Variants in ADAMTS5 observed in about 807,000 individuals in gnomAD.
ADAMTS5 encodes the protein A disintegrin and metalloproteinase with thrombospondin motifs 5.
In ADAMTS5, 54 loss-of-function variants were observed where a neutral mutation model predicts 81.4. The ratio of observed to expected loss-of-function variants is 0.66; its 90% CI spans 0.53 to 0.83. ADAMTS5 has a LOEUF of 0.83. ADAMTS5 is among the 40% of genes least tolerant of loss of function. ADAMTS5 has a pLI of 0.00. For synonymous variants in ADAMTS5, 532 were observed against 508.8 expected, an observed-to-expected ratio of 1.05 and a Z score of -0.61; for missense variants, 1,194 against 1,229.9, an observed-to-expected ratio of 0.97 and a Z score of 0.44.
At position 26,924,260 on chromosome 21, in the gene ADAMTS5, G is replaced by A; in HGVS notation, c.2586C>T (p.Val862=). 2 of 1,614,162 alleles carry A rather than the reference G, an allele frequency of 1.2e-6. No individual in the cohort carries two copies. The highest frequency in any genetic ancestry group is 1.7e-6 in the Non-Finnish European group (2 of 1,180,024). The part of the protein sequence containing the change: ...PKKSTPKVNS[V]TSHGSNKVGS... ...CCACTTTATTGCTGCCATGACTAGT[G>A]ACAGAGTTTACTTTTGGAGTGGACT... Residue 862 remains valine (V), a synonymous_variant, in exon 8 of 8, where the codon GTC becomes GTT. Transcript: ENST00000284987.
At chr21:26,932,709 A>T (rs1025527721) in intron 5 of ADAMTS5, 152 bp downstream of exon 5, 1 of 895,696 alleles carries the variant, frequency 1.1e-6, no homozygotes, top group African/African-American at 1.8e-5. Flanking sequence ...TCAAAAAAAA[A>T]CAAACACATA....
intron 3 of ADAMTS5, among the ~76,000 whole-genome samples, chr21:26,938,166 C>A (rs902842242): frequency 6.6e-6 from 1 of 151,878 alleles, no homozygotes; most frequent in Non-Finnish European, 1.5e-5. Flanking sequence ...ATCGCTTGAA[C>A]CTGGGAGGTG....
chr21:26,947,797 T>A (rs925574029), intron 2 of ADAMTS5, among the ~76,000 whole-genome samples: 1 of 152,214 alleles, frequency 6.6e-6, no homozygotes, highest in East Asian at 1.9e-4. Context: ...TGTTAGATGA[T>A]GTTGACCTAT....
rs1259263317 is a variant in ADAMTS5 at position 26,932,850 on chromosome 21, G to A, written c.1873+11C>T. ...GCATATGATGGTTGCTGACACTTGG[G>A]AGCAGCGTACCATTGGGTGGGCAGG... On this transcript the variant is annotated intron_variant, in intron 5 of 7. Coordinates refer to ENST00000284987, the MANE Select transcript of ADAMTS5 (RefSeq NM_007038.5). 3 of 1,595,702 alleles carry A rather than the reference G, an allele frequency of 1.9e-6. No individual in the cohort carries two copies. Among genetic ancestry groups the A allele is most frequent in the Non-Finnish European group, 2.6e-6 (3 of 1,172,968 alleles).
chr21:26,966,296 C>T lies in ADAMTS5; in HGVS notation c.96G>A (p.Gly32=), dbSNP rs1346272161. Residue 32 remains glycine (G), a synonymous_variant, in exon 1 of 8, where the codon GGG becomes GGA. Transcript: ENST00000284987. ...CGGCTGCTGCAGCAGTCGGAGGCTG[C>T]CCGGCTTTATCCTGGGCAGGTGTCG... ...PAATPAQDKA[G]QPPTAAAAAQ... 1.3e-6 allele frequency: 2 copies of T among 1,541,854 alleles called. No homozygotes were observed. The highest frequency in any genetic ancestry group is 2.0e-5 in the Admixed American group (1 of 51,134).
chr21:26,966,094 A>G lies in ADAMTS5; in HGVS notation c.298T>C (p.Leu100=). ...LVYAGGRRFL[L]DLERDGSVGI... ...ACCGAACCATCTCGCTCCAGGTCCA[A>G]GAGGAACCTCCGGCCGCCCGCGTAG... The change falls in exon 1 of 8, where the codon TTG becomes CTG. Residue 100 remains leucine (L), a synonymous_variant. Coordinates refer to ENST00000284987, the MANE Select transcript of ADAMTS5 (RefSeq NM_007038.5). The G allele has an allele frequency of 6.2e-7, 1 of 1,612,906 alleles. No individual in the cohort carries two copies. The highest frequency in any genetic ancestry group is 2.2e-5 in the East Asian group (1 of 44,832).
Position 26,922,087 on chromosome 21 carries a change from G to T in ADAMTS5, c.*1966C>A, listed in dbSNP as rs1055995551. On this transcript the variant is annotated 3_prime_UTR_variant, in exon 8 of 8. Coordinates refer to ENST00000284987, the MANE Select transcript of ADAMTS5 (RefSeq NM_007038.5). ...TTTTTTTTCTCACCTATTTAACTAG[G>T]TTTGCTTTCTGCCCTTGGCATTGGG... The T allele has an allele frequency of 1.3e-5, 2 of 151,874 alleles. No individual in the cohort carries two copies. Among genetic ancestry groups the T allele is most frequent in the Non-Finnish European group, 2.9e-5 (2 of 67,878 alleles). 9.4% of individuals were successfully genotyped at this position (151,874 alleles called of 1,614,324 possible). A position where few individuals can be genotyped will look rare whatever the true frequency, so the allele number is the denominator to read the frequency against.
chr21:26,959,354 G>T (rs1026205088), intron 1 of ADAMTS5, among the ~76,000 whole-genome samples: 2 of 152,120 alleles, frequency 1.3e-5, no homozygotes, highest in African/African-American at 4.8e-5. Context: ...CACATGTCCT[G>T]ATATTAACTA....
chr21:26,942,020 T>G (rs966460198), intron 3 of ADAMTS5, among the ~76,000 whole-genome samples: 1 of 148,332 alleles, frequency 6.7e-6, no homozygotes, highest in Non-Finnish European at 1.5e-5. Flanking sequence ...GACATATTTT[T>G]TCAACTAAAA....
At chr21:26,928,311 T>G (rs1986840367) in intron 7 of ADAMTS5, among the ~76,000 whole-genome samples, 4 of 152,152 alleles carry the variant, frequency 2.6e-5, no homozygotes, top group Admixed American at 2.0e-4. Context: ...GGTAATTAAT[T>G]TGAACTACTC....
chr21:26,924,459 T>C lies in ADAMTS5; in HGVS notation c.2387A>G (p.Glu796Gly). 1 of 1,614,204 alleles carries C rather than the reference T, an allele frequency of 6.2e-7. No individual in the cohort carries two copies. Residue 796 changes from glutamate (E) to glycine (G), a missense_variant, in exon 8 of 8, where the codon GAG (glutamate) becomes GGG (glycine). By Grantham distance (98) the Glu-to-Gly change is moderately conservative (BLOSUM62 -2). Coordinates refer to ENST00000284987, the MANE Select transcript of ADAMTS5 (RefSeq NM_007038.5). ...TGTTCCATTGATGTCAATGATAGTCTCTGAAGTGGAGATCATGTACTTTCC... is the reference window on the plus strand; with the variant it reads ...TGTTCCATTGATGTCAATGATAGTCCCTGAAGTGGAGATCATGTACTTTCC... ...INGKYMISTS[E>G]TIIDINGTVM...
At chr21:26,954,597 A>G in intron 2 of ADAMTS5, 142 bp downstream of exon 2, 2 of 1,260,616 alleles carry the variant, frequency 1.6e-6, no homozygotes, top group Non-Finnish European at 2.2e-6. Context: ...TTAACCTTAA[A>G]AGTGCAGATA....
intron 7 of ADAMTS5, 79 bp from the exon 8 acceptor site, chr21:26,924,699 A>T (rs1434239672): frequency 8.7e-7 from 1 of 1,146,498 alleles, no homozygotes; most frequent in Non-Finnish European, 1.2e-6. Context: ...CACTTAACAA[A>T]TAAATACACA....
rs556000098 is a variant in ADAMTS5 at position 26,935,830 on chromosome 21, T to C, written c.1406-1081A>G. The stretch of plus-strand genomic sequence containing the variant: ...CATATGCATGCATATTGCCCATCTG[T>C]TTCTGTATTTTTCTGTTTACTTTAT... On this transcript the variant is annotated intron_variant, in intron 3 of 7. Coordinates refer to ENST00000284987, the MANE Select transcript of ADAMTS5 (RefSeq NM_007038.5). Among the ~76,000 whole-genome samples, 6 of 152,352 alleles carry C rather than the reference T, an allele frequency of 3.9e-5. No homozygotes were observed. The South Asian group carries it at 1.2e-3, about 32-fold the overall frequency.
chr21:26,964,605 G>A (rs1601023424), intron 1 of ADAMTS5, among the ~76,000 whole-genome samples: 1 of 152,172 alleles, frequency 6.6e-6, no homozygotes. Flanking sequence ...AAGCAAAGGA[G>A]TTGTTAAGGA....
chr21:26,926,235 C>T (rs758895372), intron 7 of ADAMTS5, among the ~76,000 whole-genome samples: 2 of 152,000 alleles, frequency 1.3e-5, no homozygotes, highest in Non-Finnish European at 2.9e-5. Context: ...CACTCCAGCC[C>T]GAGTAACAGA....
At chr21:26,931,472 C>A (rs374772273) in intron 6 of ADAMTS5, among the ~76,000 whole-genome samples, 1 of 152,136 alleles carries the variant, frequency 6.6e-6, no homozygotes, top group Non-Finnish European at 1.5e-5. Flanking sequence ...ATGTTCCATA[C>A]ACAAATATTA....
chr21:26,922,926 G>T lies in ADAMTS5; in HGVS notation c.*1127C>A, dbSNP rs1004264036. 2 of 152,550 alleles carry T rather than the reference G, an allele frequency of 1.3e-5. No homozygotes were observed. The highest frequency in any genetic ancestry group is 4.8e-5 in the African/African-American group (2 of 41,444). The allele number at this position is 152,550 out of a possible 1,614,324, so 9.4% of individuals were successfully genotyped here. A position where few individuals can be genotyped will look rare whatever the true frequency, so the allele number is the denominator to read the frequency against. On this transcript the variant is annotated 3_prime_UTR_variant, in exon 8 of 8. Transcript: ENST00000284987. ...ACTTCTCAATGTGGCTAACTACCAAGTGATCTTTAATGTTTCTAATAAAAT... is the reference window on the plus strand; with the variant it reads ...ACTTCTCAATGTGGCTAACTACCAATTGATCTTTAATGTTTCTAATAAAAT...
In ADAMTS5 at chr21:26,966,344, G is replaced by T; in HGVS notation, c.48C>A (p.Pro16=). 4.7e-6 allele frequency: 7 copies of T among 1,503,944 alleles called. No homozygotes were observed. The highest frequency in any genetic ancestry group is 6.2e-6 in the Non-Finnish European group (7 of 1,134,980). 93.2% of individuals were successfully genotyped at this position (1,503,944 alleles called of 1,614,324 possible). The part of the protein sequence containing the change: ...ASLLLCAFRL[P]LAAVGPAATP... Reference sequence around the variant, plus strand: ...TCGCGGCGGGGCCGACCGCGGCCAGGGGCAGGCGGAACGCGCACAGCAGCA... The same window carrying T: ...TCGCGGCGGGGCCGACCGCGGCCAGTGGCAGGCGGAACGCGCACAGCAGCA... Residue 16 remains proline (P), a synonymous_variant, in exon 1 of 8, where the codon CCC becomes CCA. Coordinates refer to ENST00000284987, the MANE Select transcript of ADAMTS5 (RefSeq NM_007038.5).
Sources: allele counts gnomAD v4.1 joint callset (sites outside exome capture counted in the v4.1 genomes callset), GRCh38; gene constraint gnomAD v4.1.1; transcripts MANE v1.5; gene names NCBI Gene and HGNC (gene_info 2026-07-23, HGNC 2026-07-21).